The following NELL1 variants were observed in gnomAD, a reference collection of about 807,000 sequenced individuals.
NELL1 encodes the protein neural EGFL like 1, also known as protein kinase C-binding protein NELL1.
In NELL1, 76 loss-of-function variants were observed where a neutral mutation model predicts 107.4. The observed-to-expected ratio is 0.71, with a 90% CI of 0.59 to 0.86. The LOEUF is 0.86. NELL1 is among the 40% of genes least tolerant of loss of function. The pLI, the probability that NELL1 is intolerant of heterozygous loss-of-function variation, is 0.00. For missense variants in NELL1, 1,024 were observed against 1,005.5 expected (o/e 1.02, Z -0.25); for synonymous variants, 353 against 341.2 (o/e 1.03, Z -0.38).
At chr11:21,291,137 G>A (rs1043412079) in intron 14 of NELL1, among the ~76,000 whole-genome samples, 2 of 152,192 alleles carry the variant, frequency 1.3e-5, no homozygotes, top group Non-Finnish European at 2.9e-5. Context: ...CCAGTTCAGA[G>A]AAGAACATAA....
At chr11:21,517,295 C>T (rs528990714) in intron 15 of NELL1, among the ~76,000 whole-genome samples, 2 of 152,294 alleles carry the variant, frequency 1.3e-5, no homozygotes, top group South Asian at 4.1e-4. Context: ...CTGCCCTGCA[C>T]AGCGTTGGTC....
chr11:21,566,978 A>C (rs1856987644), intron 17 of NELL1, among the ~76,000 whole-genome samples: 1 of 151,810 alleles, frequency 6.6e-6, no homozygotes, highest in Admixed American at 6.6e-5. Flanking sequence ...CTAACCCTGG[A>C]GGCTATCCAT....
intron 12 of NELL1, among the ~76,000 whole-genome samples, chr11:21,105,061 TG>T (rs548464583): frequency 8.9e-4 from 136 of 152,114 alleles, no homozygotes; most frequent in African/African-American, 3.2e-3. Flanking sequence ...CATATGAATT[TG>T]GGGGGGACAC....
chr11:20,884,413 G>A (rs991638763), intron 4 of NELL1, among the ~76,000 whole-genome samples: 3 of 152,170 alleles, frequency 2.0e-5, no homozygotes, highest in Non-Finnish European at 4.4e-5. Context: ...AGTCCTCAGC[G>A]AGGACTCAGG....
chr11:21,109,291 A>G (rs1328623601), intron 12 of NELL1, among the ~76,000 whole-genome samples: 1 of 151,952 alleles, frequency 6.6e-6, no homozygotes, highest in Admixed American at 6.6e-5. Context: ...GTACTATTAG[A>G]CTCTTAGAAT....
chr11:21,447,549 C>T (rs1182518336), intron 15 of NELL1, among the ~76,000 whole-genome samples: 2 of 152,186 alleles, frequency 1.3e-5, no homozygotes, highest in African/African-American at 2.4e-5. Context: ...CTGCCCAATG[C>T]CCTATCCTAC....
intron 14 of NELL1, among the ~76,000 whole-genome samples, chr11:21,273,756 T>G (rs560634568): frequency 6.6e-4 from 101 of 152,272 alleles, no homozygotes; most frequent in Non-Finnish European, 1.2e-3. Flanking sequence ...TTCAACATTC[T>G]TAAAGAAAAG....
At chr11:20,772,715 G>A (rs1012425046) in intron 2 of NELL1, among the ~76,000 whole-genome samples, 4 of 152,130 alleles carry the variant, frequency 2.6e-5, no homozygotes, top group Non-Finnish European at 4.4e-5. Context: ...GCTACCTAAG[G>A]TCTTACAGCA....
chr11:21,286,441 A>G (rs1195567150), intron 14 of NELL1, among the ~76,000 whole-genome samples: 7 of 152,170 alleles, frequency 4.6e-5, no homozygotes, highest in Admixed American at 4.6e-4. Flanking sequence ...GTTCTTTTCA[A>G]GTGGAGCAAG....
chr11:20,984,881 A>G (rs1851821039), intron 12 of NELL1, among the ~76,000 whole-genome samples: 1 of 152,118 alleles, frequency 6.6e-6, no homozygotes, highest in Non-Finnish European at 1.5e-5. Context: ...CCCAAATAGC[A>G]TTTCTACTTG....
At chr11:20,785,080 A>G (rs1856927254) in intron 3 of NELL1, among the ~76,000 whole-genome samples, 2 of 152,204 alleles carry the variant, frequency 1.3e-5, no homozygotes, top group African/African-American at 4.8e-5. Flanking sequence ...GAAGGGTGTT[A>G]CATCAAACAG....
chr11:21,409,301 AATC>A (rs1337676729), intron 15 of NELL1, among the ~76,000 whole-genome samples: 1 of 152,092 alleles, frequency 6.6e-6, no homozygotes, highest in African/African-American at 2.4e-5. Flanking sequence ...TGAAATTGGA[AATC>A]ATCATTCTCA....
At chr11:21,436,136 A>G (rs2133839796) in intron 15 of NELL1, among the ~76,000 whole-genome samples, 1 of 152,210 alleles carries the variant, frequency 6.6e-6, no homozygotes, top group East Asian at 1.9e-4. Flanking sequence ...GGCTCACTGC[A>G]ACCTCTGCCT....
At chr11:21,321,158 A>C (rs1304199464) in intron 14 of NELL1, among the ~76,000 whole-genome samples, 1 of 152,148 alleles carries the variant, frequency 6.6e-6, no homozygotes, top group African/African-American at 2.4e-5. Flanking sequence ...CTGAAAATGC[A>C]CCTTTGGTGC....
At chr11:21,473,576 G>A (rs1040529157) in intron 15 of NELL1, among the ~76,000 whole-genome samples, 2 of 151,968 alleles carry the variant, frequency 1.3e-5, no homozygotes, top group African/African-American at 4.8e-5. Flanking sequence ...GGGAAGGAAG[G>A]GATACTTCAA....
Position 20,927,436 on chromosome 11 carries a change from T to G in NELL1, c.888T>G (p.Thr296=). ...ATGGTGACCATTGCAGGAACTGCAC[T>G]TGCAAAGTAAGCCTCTTTGTAAATA... ...WVDGDHCRNC[T]CKSGAVECRR... The change falls in exon 8 of 20, where the codon ACT becomes ACG. Residue 296 remains threonine (T), a synonymous_variant. Transcript: ENST00000357134. 1 of 1,608,214 alleles carries G rather than the reference T, an allele frequency of 6.2e-7. No homozygotes were observed. Among genetic ancestry groups the G allele is most frequent in the South Asian group, 1.1e-5 (1 of 89,036 alleles).
chr11:21,270,190 G>C (rs1477417884), intron 14 of NELL1, among the ~76,000 whole-genome samples: 1 of 152,038 alleles, frequency 6.6e-6, no homozygotes, highest in African/African-American at 2.4e-5. Flanking sequence ...AAATATAGTA[G>C]TGTCACTTGT....
intron 13 of NELL1, among the ~76,000 whole-genome samples, chr11:21,203,239 T>A (rs185876948): frequency 6.6e-6 from 1 of 152,242 alleles, no homozygotes; most frequent in East Asian, 1.9e-4. Context: ...TCTCCCACTA[T>A]TATTGGGTGG....
At chr11:21,214,101 C>A (rs527298372) in intron 13 of NELL1, among the ~76,000 whole-genome samples, 125 of 152,174 alleles carry the variant, frequency 8.2e-4, no homozygotes, top group Non-Finnish European at 8.2e-4. Context: ...GGGTGAGTAT[C>A]TTTTATCTGA....
Sources: allele counts gnomAD v4.1 joint callset (sites outside exome capture counted in the v4.1 genomes callset), GRCh38; gene constraint gnomAD v4.1.1; transcripts MANE v1.5; gene names NCBI Gene and HGNC (gene_info 2026-07-23, HGNC 2026-07-21).